The following ME3 variants were observed in gnomAD, a reference collection of about 807,000 sequenced individuals.
The protein encoded by ME3 is malic enzyme 3.
A neutral mutation model predicts 68.9 loss-of-function variants in ME3; 48 were observed. The ratio of observed to expected loss-of-function variants is 0.70; its 90% confidence interval spans 0.55 to 0.89. The LOEUF (loss-of-function observed/expected upper bound fraction) is 0.89. ME3 is among the 40% of genes least tolerant of loss of function. The probability of loss-of-function intolerance (pLI) is 0.00; values close to 1 mark genes in which losing one functional copy is unlikely to be tolerated. For missense variants in ME3, 675 were observed against 797.4 expected (o/e 0.85, Z 1.85); for synonymous variants, 320 against 318.8 (o/e 1.00, Z -0.04).
At chr11:86,500,807 C>G (rs1281754547) in intron 5 of ME3, among the ~76,000 whole-genome samples, 1 of 152,114 alleles carries the variant, frequency 6.6e-6, no homozygotes, top group African/African-American at 2.4e-5. Flanking sequence ...GTTCTTCTCC[C>G]CATTCGTCAG....
intron 2 of ME3, among the ~76,000 whole-genome samples, chr11:86,624,474 C>T (rs1943537369): frequency 6.6e-6 from 1 of 152,180 alleles, no homozygotes; most frequent in Non-Finnish European, 1.5e-5. Flanking sequence ...CCTCTATTCT[C>T]CTTATTCCCA....
intron 2 of ME3, among the ~76,000 whole-genome samples, chr11:86,656,858 A>AT (rs936584745): frequency 6.3e-5 from 3 of 47,862 alleles, no homozygotes; most frequent in South Asian, 6.6e-4. Context: ...TAAACATATG[A>AT]AAAAAAAAAA....
At chr11:86,448,240 T>C in exon 11 of ME3, 2 of 1,614,050 alleles carry the variant, frequency 1.2e-6, no homozygotes, top group Admixed American at 1.7e-5. Flanking sequence ...TTTTCATGGT[T>C]CAGGTGGCTC....
intron 2 of ME3, among the ~76,000 whole-genome samples, chr11:86,648,666 A>C (rs1034042932): frequency 6.6e-6 from 1 of 152,228 alleles, no homozygotes; most frequent in Non-Finnish European, 1.5e-5. Flanking sequence ...CACTGATCCC[A>C]AAGAAATACA....
intron 7 of ME3, among the ~76,000 whole-genome samples, chr11:86,483,866 A>G (rs1198782135): frequency 2.0e-5 from 3 of 152,244 alleles, no homozygotes; most frequent in Admixed American, 1.3e-4. Flanking sequence ...TGCTACTGTA[A>G]GTAACAGAAA....
At chr11:86,465,150 G>A in exon 8 of ME3, 3 of 1,614,002 alleles carry the variant, frequency 1.9e-6, no homozygotes, top group East Asian at 2.2e-5. Flanking sequence ...CAGGCGGAAG[G>A]CATTGGCATT....
At chr11:86,502,591 A>G (rs553526192) in intron 5 of ME3, among the ~76,000 whole-genome samples, 4 of 152,326 alleles carry the variant, frequency 2.6e-5, no homozygotes, top group South Asian at 2.1e-4. Context: ...CGTGACATCA[A>G]TGGACCTTAC....
intron 2 of ME3, among the ~76,000 whole-genome samples, chr11:86,632,338 G>A (rs1192588601): frequency 6.6e-6 from 1 of 152,086 alleles, no homozygotes; most frequent in Admixed American, 6.5e-5. Flanking sequence ...GTGAAGAAGG[G>A]AGACAAAATG....
intron 7 of ME3, among the ~76,000 whole-genome samples, chr11:86,482,339 C>T (rs934664594): frequency 6.6e-6 from 1 of 152,162 alleles, no homozygotes; most frequent in African/African-American, 2.4e-5. Flanking sequence ...GTATTGCTCA[C>T]TATGCCTGGC....
chr11:86,442,795 T>C, intron 14 of ME3, 26 bp downstream of exon 14: 1 of 1,566,822 alleles, frequency 6.4e-7, no homozygotes, highest in Non-Finnish European at 8.8e-7. Context: ...TCACTACCCA[T>C]ATTACAGGGG....
chr11:86,477,583 C>T (rs1382867912), intron 7 of ME3, among the ~76,000 whole-genome samples: 1 of 152,162 alleles, frequency 6.6e-6, no homozygotes, highest in African/African-American at 2.4e-5. Flanking sequence ...AGTTTCAGTT[C>T]TGGGGATGAT....
At chr11:86,618,668 A>G (rs1196534801) in intron 2 of ME3, among the ~76,000 whole-genome samples, 1 of 150,970 alleles carries the variant, frequency 6.6e-6, no homozygotes, top group Non-Finnish European at 1.5e-5. Flanking sequence ...CAGATCCCTC[A>G]TGGTTTGGTG....
At chr11:86,488,048 T>C (rs1233245966) in intron 6 of ME3, among the ~76,000 whole-genome samples, 1 of 152,070 alleles carries the variant, frequency 6.6e-6, no homozygotes. Context: ...GGCATGGTGG[T>C]GTATGTCTTT....
At chr11:86,548,276 G>A (rs1956478787) in intron 4 of ME3, among the ~76,000 whole-genome samples, 1 of 152,202 alleles carries the variant, frequency 6.6e-6, no homozygotes, top group Non-Finnish European at 1.5e-5. Flanking sequence ...AAAAATAAAT[G>A]TTCCTTCTCT....
At position 86,672,321 on chromosome 11, in the gene ME3, C is replaced by T; in HGVS notation, c.-15+3G>A. ...GCCTCGGTCCTCTCCTTCCCTGGCCCACCTGCGCTGCTCGGGGAGCTGAGG... is the reference window on the plus strand; with the variant it reads ...GCCTCGGTCCTCTCCTTCCCTGGCCTACCTGCGCTGCTCGGGGAGCTGAGG... On this transcript the variant is annotated splice_donor_region_variant and intron_variant, in intron 1 of 14. Coordinates refer to ENST00000543262, the Ensembl canonical transcript of ME3. 5.1e-6 allele frequency: 1 copy of T among 194,996 alleles called. No homozygotes were observed. 12.1% of individuals were successfully genotyped at this position (194,996 alleles called of 1,614,324 possible).
At chr11:86,457,769 G>A (rs1294024483) in intron 8 of ME3, 2 of 1,271,072 alleles carry the variant, frequency 1.6e-6, no homozygotes, top group Middle Eastern at 4.3e-4. Context: ...CCTATTCATG[G>A]TAAAAGAAAA....
chr11:86,535,620 C>G lies in ME3; in HGVS notation c.467+20933G>C, dbSNP rs74736964. Reference sequence around the variant, plus strand: ...TATCTCGCCATCCTAGCATTTAAATCCAATTAAGTTTCAGAAACATTTACT... The same window carrying G: ...TATCTCGCCATCCTAGCATTTAAATGCAATTAAGTTTCAGAAACATTTACT... On this transcript the variant is annotated intron_variant, in intron 4 of 14. Coordinates refer to ENST00000543262, the Ensembl canonical transcript of ME3. Among the ~76,000 whole-genome samples the G allele has an allele frequency of 6.6e-3, 1,011 of 152,270 alleles. 4 individuals carry two copies. The highest frequency in any genetic ancestry group is 0.011 in the Non-Finnish European group (728 of 68,022).
chr11:86,454,151 ATTG>A (rs558898211), intron 8 of ME3, among the ~76,000 whole-genome samples: 61 of 152,332 alleles, frequency 4.0e-4, no homozygotes, highest in African/African-American at 1.4e-3. Context: ...AATTTAAAAA[ATTG>A]TTGTCATCTA....
intron 2 of ME3, among the ~76,000 whole-genome samples, chr11:86,592,050 G>A (rs78952578): frequency 6.6e-6 from 1 of 152,154 alleles, no homozygotes; most frequent in African/African-American, 2.4e-5. Flanking sequence ...AATCTCACGT[G>A]AAGTCCAAGC....
Sources: allele counts gnomAD v4.1 joint callset (sites outside exome capture counted in the v4.1 genomes callset), GRCh38; gene constraint gnomAD v4.1.1; transcripts MANE v1.5; gene names NCBI Gene and HGNC (gene_info 2026-07-23, HGNC 2026-07-21).